UBE2V2: variants seen among roughly 807,000 people sequenced by gnomAD.
UBE2V2 encodes the protein ubiquitin conjugating enzyme E2 V2, also known as ubiquitin-conjugating enzyme E2 variant 2.
A neutral mutation model predicts 17.2 loss-of-function variants in UBE2V2; 9 were observed. The observed-to-expected ratio is 0.52, with a 90% CI of 0.32 to 0.91. The LOEUF (loss-of-function observed/expected upper bound fraction) is 0.91, where lower values mean the gene tolerates loss of function less well. UBE2V2 is among the 40% of genes least tolerant of loss of function. UBE2V2 has a pLI of 0.04. For missense variants in UBE2V2, 133 were observed against 182.6 expected, an observed-to-expected ratio of 0.73 and a Z score of 1.56; for synonymous variants, 61 against 57.5, an observed-to-expected ratio of 1.06 and a Z score of -0.28.
rs530466561 is a variant in UBE2V2 at position 48,012,537 on chromosome 8, GGAGA to G, written c.16+4068_16+4071del. ...AGGTTGAGACCAGCTGGACCAACAT[GGAGA>G]AACCATGTCTCTACTAAAAATACAA... On this transcript the variant is annotated intron_variant, in intron 1 of 3. Coordinates refer to ENST00000523111, the MANE Select transcript of UBE2V2 (RefSeq NM_003350.3). 1.2e-4 allele frequency among the ~76,000 whole-genome samples: 18 copies of G among 152,150 alleles called. No individual in the cohort carries two copies. In the East Asian group the frequency reaches 1.6e-3, roughly 13 times the overall value.
At chr8:48,001,152 C>T in the UBE2V2 span, among the ~76,000 whole-genome samples, 1 of 152,162 alleles carries the variant, frequency 6.6e-6, no homozygotes, top group Admixed American at 6.5e-5. Context: ...GACAAAGTAA[C>T]CGACAATTAG....
the UBE2V2 span, among the ~76,000 whole-genome samples, chr8:47,999,996 G>A: frequency 6.6e-6 from 1 of 152,338 alleles, no homozygotes; most frequent in Admixed American, 6.5e-5. Context: ...TCCATACAAT[G>A]TTTGGAATCT....
chr8:48,056,756 C>T (rs896046309), intron 3 of UBE2V2, among the ~76,000 whole-genome samples: 1 of 152,096 alleles, frequency 6.6e-6, no homozygotes, highest in East Asian at 1.9e-4. Flanking sequence ...CAGAGTCTTG[C>T]TGTGCCGCCC....
rs1376967525 is a variant in UBE2V2, at chr8:48,061,926, T to TTGGTTAA, written c.*1100_*1106dup. 2 of 152,204 alleles carry TTGGTTAA rather than the reference T, an allele frequency of 1.3e-5. No individual in the cohort carries two copies. The highest frequency in any genetic ancestry group is 2.9e-5 in the Non-Finnish European group (2 of 68,034). 9.4% of individuals were successfully genotyped at this position (152,204 alleles called of 1,614,324 possible). ...TTTTAGTTGTTTTTCTGTGAAGCTTTTGGTTAATAAATAGGGTCAACTAAT... is the reference window on the plus strand; with the variant it reads ...TTTTAGTTGTTTTTCTGTGAAGCTTTTGGTTAATGGTTAATAAATAGGGTCAACTAAT... On this transcript the variant is annotated 3_prime_UTR_variant, in exon 4 of 4. Coordinates refer to ENST00000523111, the MANE Select transcript of UBE2V2 (RefSeq NM_003350.3).
At chr8:48,056,873 G>A (rs1390430972) in intron 3 of UBE2V2, among the ~76,000 whole-genome samples, 5 of 151,250 alleles carry the variant, frequency 3.3e-5, no homozygotes, top group Non-Finnish European at 5.9e-5. Context: ...ACAGGCATGC[G>A]CCACCACGCC....
upstream of UBE2V2, among the ~76,000 whole-genome samples, chr8:48,003,625 G>T (rs1263464320): frequency 6.6e-6 from 1 of 152,132 alleles, no homozygotes; most frequent in Admixed American, 6.6e-5. Context: ...AACTCTGAGG[G>T]TTAAAAAGTC....
chr8:48,049,354 C>T (rs1014429039), intron 2 of UBE2V2, among the ~76,000 whole-genome samples: 1 of 150,980 alleles, frequency 6.6e-6, no homozygotes, highest in Non-Finnish European at 1.5e-5. Flanking sequence ...CCAACAAGAC[C>T]CTTTTGAGAA....
At chr8:48,041,691 A>T (rs536908100) in intron 1 of UBE2V2, 4 of 152,206 alleles carry the variant, frequency 2.6e-5, no homozygotes, top group Admixed American at 6.5e-5. Flanking sequence ...GAATACTTTC[A>T]ATTTCAGATA....
intron 1 of UBE2V2, among the ~76,000 whole-genome samples, chr8:48,029,458 G>A (rs1015140650): frequency 6.6e-6 from 1 of 152,206 alleles, no homozygotes; most frequent in African/African-American, 2.4e-5. Context: ...TGTGATTACT[G>A]TATGACAGAA....
At position 48,014,664 on chromosome 8, in the gene UBE2V2, A is replaced by G. The variant is rs548291046; in HGVS notation, c.16+6194A>G. On this transcript the variant is annotated intron_variant, in intron 1 of 3. Coordinates refer to ENST00000523111, the MANE Select transcript of UBE2V2 (RefSeq NM_003350.3). ...TGCCTCAAAAAAAAAAAAAAAAAAA[A>G]TGTGCAGGAAAATGAAACCAGTAAA... is the stretch of plus-strand genomic sequence containing the variant. Among the ~76,000 whole-genome samples, 246 of 150,056 alleles carry G rather than the reference A, an allele frequency of 1.6e-3. 1 individual carries two copies. Among genetic ancestry groups the G allele is most frequent in the African/African-American group, 5.4e-3 (221 of 40,952 alleles).
At chr8:48,022,207 G>A (rs2091310533) in intron 1 of UBE2V2, among the ~76,000 whole-genome samples, 1 of 148,464 alleles carries the variant, frequency 6.7e-6, no homozygotes, top group Admixed American at 6.7e-5. Flanking sequence ...ATCTGATCTT[G>A]GCTTACTGCA....
intron 1 of UBE2V2, chr8:48,042,169 T>TATATA (rs1795518313): frequency 6.6e-6 from 1 of 152,206 alleles, no homozygotes; most frequent in African/African-American, 2.4e-5. Flanking sequence ...TTTCTTTATG[T>TATATA]ATATAAGCCT....
At chr8:48,004,178 G>A (rs143761128), upstream of UBE2V2, among the ~76,000 whole-genome samples, 763 of 152,212 alleles carry the variant, frequency 5.0e-3, 5 homozygotes, top group Non-Finnish European at 9.3e-3. Flanking sequence ...CCAATCTGGT[G>A]GTAGGCAAAA....
chr8:48,021,797 C>T (rs924130264), intron 1 of UBE2V2, among the ~76,000 whole-genome samples: 5 of 151,782 alleles, frequency 3.3e-5, no homozygotes, highest in Non-Finnish European at 5.9e-5. Context: ...GAGCAATTCT[C>T]CTGCCTCAGC....
chr8:48,056,527 G>T (rs1020399717), intron 3 of UBE2V2, among the ~76,000 whole-genome samples: 1 of 152,034 alleles, frequency 6.6e-6, no homozygotes, highest in African/African-American at 2.4e-5. Context: ...TAAAAAGCAA[G>T]AAATTAAAAC....
At chr8:48,022,340 T>C (rs1433743808) in intron 1 of UBE2V2, among the ~76,000 whole-genome samples, 1 of 152,064 alleles carries the variant, frequency 6.6e-6, no homozygotes, top group African/African-American at 2.4e-5. Context: ...TTCACCATGT[T>C]GGCTAGGCTG....
At chr8:48,057,970 C>T (rs1278720632) in intron 3 of UBE2V2, among the ~76,000 whole-genome samples, 2 of 152,078 alleles carry the variant, frequency 1.3e-5, no homozygotes, top group Non-Finnish European at 2.9e-5. Flanking sequence ...AATCAGGGTG[C>T]CTTTTATTTC....
At chr8:48,002,113 C>T in the UBE2V2 span, among the ~76,000 whole-genome samples, 1 of 151,948 alleles carries the variant, frequency 6.6e-6, no homozygotes, top group Non-Finnish European at 1.5e-5. Flanking sequence ...GCAACAGATC[C>T]AAAAAGACAT....
At chr8:47,999,840 G>A in the UBE2V2 span, among the ~76,000 whole-genome samples, 1 of 152,138 alleles carries the variant, frequency 6.6e-6, no homozygotes, top group Non-Finnish European at 1.5e-5. Flanking sequence ...CGAGCTCCCC[G>A]ATTGAGCAAT....
Sources: gnomAD v4.1 joint callset for allele counts (sites outside exome capture counted in the v4.1 genomes callset) on GRCh38, gnomAD v4.1.1 for gene constraint, MANE v1.5 for transcripts, NCBI Gene and HGNC (gene_info 2026-07-23, HGNC 2026-07-21) for gene names.